The following NXPE4 variants were observed in gnomAD, a reference collection of about 807,000 sequenced individuals.
The protein encoded by NXPE4 is NXPE family member 4.
NXPE4 carries 42 observed loss-of-function variants against 33.3 expected under a neutral mutation model. That is an observed-to-expected ratio of 1.26 (90% CI 0.98 to 1.63). The LOEUF is 1.63. Ranked by LOEUF, NXPE4 falls within the 40% of genes most tolerant of loss-of-function variation. The pLI, the probability that NXPE4 is intolerant of heterozygous loss-of-function variation, is 0.00. For synonymous variants in NXPE4, 253 were observed against 234.9 expected, an observed-to-expected ratio of 1.08 and a Z score of -0.71; for missense variants, 709 against 647.6, an observed-to-expected ratio of 1.09 and a Z score of -1.03.
chr11:114,636,318 A>G, the NXPE4 span, among the ~76,000 whole-genome samples: 4 of 151,890 alleles, frequency 2.6e-5, no homozygotes, highest in South Asian at 8.3e-4. Context: ...TATCCCCTTT[A>G]TCATTTTTTA....
At chr11:114,645,019 AGGCCG>A in the NXPE4 span, among the ~76,000 whole-genome samples, 38 of 151,906 alleles carry the variant, frequency 2.5e-4, no homozygotes, top group South Asian at 7.9e-3. Flanking sequence ...AAAAAAAAAC[AGGCCG>A]GGCATAGTGT....
In NXPE4 at chr11:114,594,669, T is replaced by C. The variant is rs771269265; in HGVS notation, c.91A>G (p.Thr31Ala). The C allele has an allele frequency of 6.3e-7, 1 of 1,590,194 alleles. No homozygotes were observed. The change falls in exon 2 of 6, where the codon ACA (threonine) becomes GCA (alanine). Residue 31 changes from threonine to alanine, a missense_variant. Transcript: ENST00000375478. ...WIIFTVFQNSTKVWSALNLSI... is the reference protein window; with the variant it reads ...WIIFTVFQNSAKVWSALNLSI... ...ATAAATAAAGCATTTCCTACCTTTG[T>C]GGAGTTCTGGAAAACTGTAAAAATG...
At chr11:114,638,269 T>C in the NXPE4 span, among the ~76,000 whole-genome samples, 1 of 152,120 alleles carries the variant, frequency 6.6e-6, no homozygotes, top group African/African-American at 2.4e-5. Flanking sequence ...CTCCTGAGGC[T>C]TCTGCATTCT....
At chr11:114,676,912 A>C in the NXPE4 span, among the ~76,000 whole-genome samples, 16 of 152,032 alleles carry the variant, frequency 1.1e-4, no homozygotes, top group Non-Finnish European at 1.5e-5. Context: ...ACACATAAAC[A>C]GTTGGGTGTT....
intron 2 of NXPE4, chr11:114,583,944 G>A (rs1949219974): frequency 2.6e-6 from 1 of 388,952 alleles, no homozygotes; most frequent in African/African-American, 2.1e-5. Flanking sequence ...CTCCTAGATG[G>A]GATTGATGAT....
the NXPE4 span, among the ~76,000 whole-genome samples, chr11:114,609,394 T>C: frequency 6.6e-6 from 1 of 152,002 alleles, no homozygotes; most frequent in East Asian, 1.9e-4. Context: ...AAGTATTGCA[T>C]CGCTGGTAAC....
At chr11:114,675,503 C>T in the NXPE4 span, among the ~76,000 whole-genome samples, 3 of 151,546 alleles carry the variant, frequency 2.0e-5, no homozygotes, top group African/African-American at 4.8e-5. Flanking sequence ...ATTTTCTATA[C>T]GCTAACAATA....
the NXPE4 span, among the ~76,000 whole-genome samples, chr11:114,609,517 G>A: frequency 5.3e-5 from 8 of 151,834 alleles, no homozygotes; most frequent in Non-Finnish European, 1.0e-4. Context: ...AATAAGTACT[G>A]CTTCGTGGGT....
chr11:114,634,023 C>T, the NXPE4 span, among the ~76,000 whole-genome samples: 42 of 151,946 alleles, frequency 2.8e-4, no homozygotes, highest in African/African-American at 1.0e-3. Flanking sequence ...TTCTAGATCC[C>T]TGAGGATTCG....
At chr11:114,647,345 G>C in the NXPE4 span, among the ~76,000 whole-genome samples, 1 of 152,088 alleles carries the variant, frequency 6.6e-6, no homozygotes, top group Admixed American at 6.6e-5. Context: ...AATTTTGGGT[G>C]TTCCCTTTAC....
At chr11:114,632,714 AATATATATAAT>A in the NXPE4 span, among the ~76,000 whole-genome samples, 2 of 74,068 alleles carry the variant, frequency 2.7e-5, no homozygotes, top group Non-Finnish European at 4.6e-5. Context: ...AATATAATAT[AATATATATAAT>A]ATATAATATA....
chr11:114,664,474 C>T, the NXPE4 span, among the ~76,000 whole-genome samples: 131,888 of 152,162 alleles, frequency 0.87, 57,799 homozygotes, highest in Non-Finnish European at 0.92. Flanking sequence ...AATTTTACTT[C>T]ACGTAAATTG....
At chr11:114,643,610 G>T in the NXPE4 span, among the ~76,000 whole-genome samples, 1 of 151,976 alleles carries the variant, frequency 6.6e-6, no homozygotes, top group South Asian at 2.1e-4. Context: ...TGTTCCATTG[G>T]TCTATATATC....
the NXPE4 span, among the ~76,000 whole-genome samples, chr11:114,632,699 T>TATATA: frequency 0.16 from 11,194 of 71,630 alleles, 1,540 homozygotes; most frequent in Non-Finnish European, 0.19. Context: ...TTTATATATT[T>TATATA]ATATAATATA....
intron 5 of NXPE4, 146 bp downstream of exon 5, chr11:114,579,986 G>A (rs487707): frequency 0.65 from 434,799 of 666,660 alleles, 142,851 homozygotes; most frequent in African/African-American, 0.78. Flanking sequence ...TTTAAAGGAA[G>A]GATAACAATG....
chr11:114,618,282 C>A, the NXPE4 span, among the ~76,000 whole-genome samples: 1 of 151,976 alleles, frequency 6.6e-6, no homozygotes. Context: ...ATAAGTATTA[C>A]CGCATGGGTA....
the NXPE4 span, among the ~76,000 whole-genome samples, chr11:114,603,142 T>C: frequency 6.6e-6 from 1 of 151,938 alleles, no homozygotes; most frequent in African/African-American, 2.4e-5. Context: ...ATAATAATTA[T>C]TGCCTTGTCT....
the NXPE4 span, among the ~76,000 whole-genome samples, chr11:114,633,012 A>G: frequency 2.8e-5 from 3 of 106,770 alleles, no homozygotes; most frequent in African/African-American, 7.8e-5. Context: ...AATATATATT[A>G]TATAATATAT....
At chr11:114,654,458 T>C in the NXPE4 span, among the ~76,000 whole-genome samples, 2 of 152,014 alleles carry the variant, frequency 1.3e-5, no homozygotes, top group Non-Finnish European at 2.9e-5. Flanking sequence ...CCATCTTCTA[T>C]GTGCCCTCCC....
Sources: allele counts gnomAD v4.1 joint callset (sites outside exome capture counted in the v4.1 genomes callset), GRCh38; gene constraint gnomAD v4.1.1; transcripts MANE v1.5; gene names NCBI Gene and HGNC (gene_info 2026-07-23, HGNC 2026-07-21).